Variants in LMNTD2 observed in about 807,000 individuals in gnomAD.
LMNTD2 encodes lamin tail domain-containing protein 2.
A neutral mutation model predicts 70.1 loss-of-function variants in LMNTD2; 83 were observed. The observed-to-expected ratio is 1.18, with a 90% CI of 0.99 to 1.42. The LOEUF (loss-of-function observed/expected upper bound fraction) is 1.42, where lower values mean the gene tolerates loss of function less well. Among genes scored for constraint, LMNTD2 ranks in the 40% most tolerant of loss-of-function variants. The probability of loss-of-function intolerance (pLI) is 0.00; values close to 1 mark genes in which losing one functional copy is unlikely to be tolerated. For synonymous variants in LMNTD2, 534 were observed against 406.1 expected (o/e 1.31, Z -3.79); for missense variants, 1,153 against 905.9 (o/e 1.27, Z -3.50).
At position 555,733 on chromosome 11, in the gene LMNTD2, C is replaced by A; in HGVS notation, c.1574+1G>T. On this transcript the variant is annotated splice_donor_variant, in intron 12 of 13. Transcript: ENST00000329451. LOFTEE classifies it high-confidence loss of function. ...AGATCCCGGGGACCCGCGGTCCCCACCCTGGTCTCCGGCGACTGACCCGGG... is the reference window on the plus strand; with the variant it reads ...AGATCCCGGGGACCCGCGGTCCCCAACCTGGTCTCCGGCGACTGACCCGGG... The A allele has an allele frequency of 7.1e-7, 1 of 1,398,844 alleles. No homozygotes were observed. Among genetic ancestry groups the A allele is most frequent in the Non-Finnish European group, 9.2e-7 (1 of 1,088,322 alleles). The allele number at this position is 1,398,844 out of a possible 1,614,324, so 86.7% of individuals were successfully genotyped here. A position where few individuals can be genotyped will look rare whatever the true frequency, so the allele number is the denominator to read the frequency against.
At chr11:558,317 C>CGAAGGAGGGGA (rs996716656) in intron 3 of LMNTD2, 69 bp from the exon 4 acceptor site, 3 of 1,528,184 alleles carry the variant, frequency 2.0e-6, no homozygotes, top group Non-Finnish European at 1.8e-6. Flanking sequence ...AGGTCAGTGG[C>CGAAGGAGGGGA]GAAGGAGGGG....
At position 556,083 on chromosome 11, in the gene LMNTD2, C is replaced by T. The variant is rs376070964; in HGVS notation, c.1290G>A (p.Lys430=). The change falls in exon 11 of 14, where the codon AAG becomes AAA. Residue 430 remains lysine (K), a synonymous_variant. Coordinates refer to ENST00000329451, the MANE Select transcript of LMNTD2 (RefSeq NM_173573.3). ...VWGEATRSAK[K]PLRASSSREP... is the part of the protein sequence containing the mutation. ...CCCGGCTCGAGGACGCGCGCAGCGG[C>T]TTCTTGGCGCTGCGGGTCGCCTCGC... is the stretch of plus-strand genomic sequence containing the variant. The T allele has an allele frequency of 4.3e-4, 659 of 1,536,800 alleles. 12 individuals are homozygous for T. In the South Asian group the frequency reaches 7.3e-3, roughly 17 times the overall value.
At chr11:558,394 A>T in intron 3 of LMNTD2, 146 bp from the exon 4 acceptor site, 1 of 1,097,446 alleles carries the variant, frequency 9.1e-7, no homozygotes. Flanking sequence ...GGGGCTGGCC[A>T]GCCTCCGGCT....
rs1376857599 is a variant in LMNTD2 at position 557,592 on chromosome 11, T to G, written c.604A>C (p.Ile202Leu). ...LMDPSDLSEN[I>L]QAPTGEGFRL... ...CTCACCTCCCCGGTGGGGGCCTGAA[T>G]GTTTTCAGAGAGGTCGCTTGGGTCC... Residue 202 changes from isoleucine to leucine, a missense_variant, in exon 6 of 14, where the codon ATT becomes CTT. Transcript: ENST00000329451. 1 of 1,613,280 alleles carries G rather than the reference T, an allele frequency of 6.2e-7. No individual in the cohort carries two copies.
In LMNTD2 at chr11:556,360, C is replaced by T. The variant is rs754314370; in HGVS notation, c.1089G>A (p.Lys363=). 7.8e-6 allele frequency: 12 copies of T among 1,536,070 alleles called. No individual in the cohort carries two copies. In the South Asian group the frequency reaches 9.5e-5, roughly 12 times the overall value. ...PELLQSPTGL[K]IVAVSCREKF... is the part of the protein sequence containing the mutation. ...TCTCCCGGCAGCTCACAGCCACGAT[C>T]TTCAGGCCTGTCGGGCTGGGAAGAG... Residue 363 remains lysine, a synonymous_variant, in exon 10 of 14, where the codon AAG becomes AAA. Coordinates refer to ENST00000329451, the MANE Select transcript of LMNTD2 (RefSeq NM_173573.3).
intron 9 of LMNTD2, 30 bp downstream of exon 9, chr11:556,462 C>A: frequency 6.5e-7 from 1 of 1,549,170 alleles, no homozygotes; most frequent in African/African-American, 1.4e-5. Context: ...TCCAGTCCGG[C>A]GCCGGAGGCT....
chr11:557,420 A>G lies in LMNTD2; in HGVS notation c.692T>C (p.Met231Thr). 6.2e-7 allele frequency: 1 copy of G among 1,607,778 alleles called. No individual in the cohort carries two copies. The highest frequency in any genetic ancestry group is 8.5e-7 in the Non-Finnish European group (1 of 1,177,034). The change falls in exon 7 of 14, where the codon ATG (methionine) becomes ACG (threonine). Residue 231 changes from methionine (M) to threonine (T), a missense_variant. Met to Thr is a moderately conservative substitution (Grantham distance 81). Coordinates refer to ENST00000329451, the MANE Select transcript of LMNTD2 (RefSeq NM_173573.3). ...ARRYPNLFTN[M>T]EPSSKQKQPR... Reference sequence around the variant, plus strand: ...TTACTTTTGCTTTGAGCTGGGCTCCATGTTGGTGAAGAGGTTGGGATACCG... The same window carrying G: ...TTACTTTTGCTTTGAGCTGGGCTCCGTGTTGGTGAAGAGGTTGGGATACCG...
Position 555,030 on chromosome 11 carries a change from G to A in LMNTD2, c.1855C>T (p.Arg619Cys), listed in dbSNP as rs757120444. The A allele has an allele frequency of 6.7e-5, 106 of 1,593,556 alleles. No individual in the cohort carries two copies. The Admixed American group carries it at 1.8e-3, about 27-fold the overall frequency. The change falls in exon 14 of 14, where the codon CGC becomes TGC. Residue 619 changes from arginine to cysteine, a missense_variant. By Grantham distance (180) the Arg-to-Cys change is radical. Coordinates refer to ENST00000329451, the MANE Select transcript of LMNTD2 (RefSeq NM_173573.3). ...GTGACCGGCAGGCAGCTGAGGAAGC[G>A]GAAGCCGAATCTGCTCTCCGCCGTG... ...QNTAESRFGF[R>C]FLSCLPVTAD... is the part of the protein sequence containing the mutation.
At chr11:558,566 G>A in intron 3 of LMNTD2, 48 bp downstream of exon 3, 1 of 1,559,154 alleles carries the variant, frequency 6.4e-7, no homozygotes. Context: ...CAGGAGTCCG[G>A]GCGAGGACAG....
chr11:555,738 G>A lies in LMNTD2; in HGVS notation c.1570C>T (p.Pro524Ser), dbSNP rs934845247. The change falls in exon 12 of 14, where the codon CCA becomes TCA. Residue 524 changes from proline to serine, a missense_variant. Transcript: ENST00000329451. ...VREPRVSRRR[P>S]GTRGLLPPVS... is the part of the protein sequence containing the mutation. ...CCGGGGACCCGCGGTCCCCACCCTG[G>A]TCTCCGGCGACTGACCCGGGGCTCC... 9.3e-6 allele frequency: 13 copies of A among 1,403,900 alleles called. No homozygotes were observed. The African/African-American group carries it at 1.1e-4, about 11-fold the overall frequency. 87.0% of individuals were successfully genotyped at this position (1,403,900 alleles called of 1,614,324 possible).
At chr11:557,758 G>A in intron 5 of LMNTD2, 118 bp from the exon 6 acceptor site, 1 of 1,562,002 alleles carries the variant, frequency 6.4e-7, no homozygotes, top group South Asian at 1.2e-5. Flanking sequence ...GGAGCCCAGA[G>A]TTCCAGAGGC....
In LMNTD2 at chr11:556,070, A is replaced by G; in HGVS notation, c.1303T>C (p.Ser435Pro). The G allele has an allele frequency of 6.5e-7, 1 of 1,544,558 alleles. No individual in the cohort carries two copies. Among genetic ancestry groups the G allele is most frequent in the Admixed American group, 1.9e-5 (1 of 53,520 alleles). ...TRSAKKPLRA[S>P]SSREPVPLLS... ...AGGGGAACGGGCTCCCGGCTCGAGG[A>G]CGCGCGCAGCGGCTTCTTGGCGCTG... is the stretch of plus-strand genomic sequence containing the variant. The change falls in exon 11 of 14, where the codon TCC (serine) becomes CCC (proline). Residue 435 changes from serine to proline, a missense_variant. Physicochemically the swap from Ser to Pro is moderately conservative, Grantham distance 74. Coordinates refer to ENST00000329451, the MANE Select transcript of LMNTD2 (RefSeq NM_173573.3).
rs751157039 is a variant in LMNTD2 at position 556,593 on chromosome 11, A to G, written c.977-5T>C. 3.3e-6 allele frequency: 5 copies of G among 1,525,184 alleles called. No homozygotes were observed. Among genetic ancestry groups the G allele is most frequent in the South Asian group, 1.2e-5 (1 of 81,142 alleles). 94.5% of individuals were successfully genotyped at this position (1,525,184 alleles called of 1,614,324 possible). ...GTGAGTGGGTTTTCTGGAGATCTAGAGAGAGCAGCGCTTTTGGGGAGGGGA... is the reference window on the plus strand; with the variant it reads ...GTGAGTGGGTTTTCTGGAGATCTAGGGAGAGCAGCGCTTTTGGGGAGGGGA... On this transcript the variant is annotated splice_polypyrimidine_tract_variant and splice_region_variant and intron_variant, in intron 8 of 13. Transcript: ENST00000329451.
chr11:556,608 TG>T lies in LMNTD2; in HGVS notation c.977-21del. On this transcript the variant is annotated intron_variant, in intron 8 of 13. Transcript: ENST00000329451. ...GGAGATCTAGAGAGAGCAGCGCTTT[TG>T]GGGAGGGGACCCTCGAATGGAGTCC... 1.3e-6 allele frequency: 2 copies of T among 1,495,244 alleles called. No homozygotes were observed. Among genetic ancestry groups the T allele is most frequent in the Non-Finnish European group, 8.9e-7 (1 of 1,121,832 alleles). The allele number at this position is 1,495,244 out of a possible 1,614,324, so 92.6% of individuals were successfully genotyped here.
chr11:556,542 C>T lies in LMNTD2; in HGVS notation c.1023G>A (p.Ser341=), dbSNP rs1356518583. The T allele has an allele frequency of 1.3e-6, 2 of 1,561,140 alleles. No homozygotes were observed. The highest frequency in any genetic ancestry group is 1.9e-5 in the Admixed American group (1 of 51,718). The change falls in exon 9 of 14, where the codon TCG becomes TCA. Residue 341 remains serine (S), a synonymous_variant. Coordinates refer to ENST00000329451, the MANE Select transcript of LMNTD2 (RefSeq NM_173573.3). The part of the protein sequence containing the change: ...HSPRHGEPVL[S]PQPCTDPDHW... Reference sequence around the variant, plus strand: ...GGTCCGGGTCTGTGCAGGGCTGGGGCGACAGGACCGGCTCGCCGTGCCTGG... The same window carrying T: ...GGTCCGGGTCTGTGCAGGGCTGGGGTGACAGGACCGGCTCGCCGTGCCTGG...
At chr11:560,430 A>C in intron 1 of LMNTD2, 2 of 1,239,306 alleles carry the variant, frequency 1.6e-6, no homozygotes, top group African/African-American at 3.1e-5. Flanking sequence ...TGCGCCCGCC[A>C]GCTCCGCAGG....
intron 12 of LMNTD2, 103 bp from the exon 13 acceptor site, chr11:555,606 A>G: frequency 1.6e-6 from 2 of 1,251,424 alleles, no homozygotes; most frequent in South Asian, 4.0e-5. Flanking sequence ...GTACTGGAGG[A>G]CCAGGGGGCG....
In LMNTD2 at chr11:555,481, C is replaced by A; in HGVS notation, c.1597G>T (p.Val533Leu). 1 of 1,371,596 alleles carries A rather than the reference C, an allele frequency of 7.3e-7. No homozygotes were observed. The highest frequency in any genetic ancestry group is 9.4e-7 in the Non-Finnish European group (1 of 1,068,894). The allele number at this position is 1,371,596 out of a possible 1,614,324, so 85.0% of individuals were successfully genotyped here. The part of the protein sequence containing the change: ...RPGTRGLLPP[V>L]SSGKLFHARE... ...GCGTGGAAGAGCTTCCCCGAGCTCACTGGGGGCAGCAGGCCCCGCGTCCTG... is the reference window on the plus strand; with the variant it reads ...GCGTGGAAGAGCTTCCCCGAGCTCAATGGGGGCAGCAGGCCCCGCGTCCTG... Residue 533 changes from valine (V) to leucine (L), a missense_variant, in exon 13 of 14, where the codon GTG becomes TTG. By Grantham distance (32) the Val-to-Leu change is conservative (BLOSUM62 1). Coordinates refer to ENST00000329451, the MANE Select transcript of LMNTD2 (RefSeq NM_173573.3).
At chr11:556,707 G>A (rs1852902693) in intron 8 of LMNTD2, 119 bp from the exon 9 acceptor site, 1 of 1,416,388 alleles carries the variant, frequency 7.1e-7, no homozygotes, top group Non-Finnish European at 9.3e-7. Flanking sequence ...GCCAGGGTCA[G>A]ATGGGGCAGG....
Sources: allele counts gnomAD v4.1 joint callset, GRCh38; gene constraint gnomAD v4.1.1; transcripts MANE v1.5; gene names NCBI Gene and HGNC (gene_info 2026-07-23, HGNC 2026-07-21).